The following RRM2 variants were observed in gnomAD, a reference collection of about 807,000 sequenced individuals.
The protein encoded by RRM2 is ribonucleoside-diphosphate reductase subunit M2.
Under a neutral mutation model 45.9 loss-of-function variants are expected in RRM2, and 6 were observed. The observed-to-expected ratio is 0.13, with a 90% CI of 0.07 to 0.26. RRM2 has a LOEUF of 0.26. Ranked by LOEUF, RRM2 falls within the 10% of genes least tolerant of loss-of-function variation. RRM2 has a pLI of 1.00. For missense variants in RRM2, 343 were observed against 489.5 expected, an observed-to-expected ratio of 0.70 and a Z score of 2.82; for synonymous variants, 177 against 173.0, an observed-to-expected ratio of 1.02 and a Z score of -0.18.
At chr2:10,174,482 A>T (rs894486923) in intron 3 of RRM2, among the ~76,000 whole-genome samples, 1 of 151,150 alleles carries the variant, frequency 6.6e-6, no homozygotes, top group African/African-American at 2.4e-5. Flanking sequence ...GCGAGCGCCT[A>T]TGGGGTGGAG....
chr2:10,139,561 G>C (rs918261990), upstream of RRM2, among the ~76,000 whole-genome samples: 1 of 152,290 alleles, frequency 6.6e-6, no homozygotes, highest in South Asian at 2.1e-4. Context: ...TGCTGGGGGC[G>C]GATGAGGGGA....
At chr2:10,184,634 G>A (rs553013538) in intron 3 of RRM2, among the ~76,000 whole-genome samples, 35 of 152,220 alleles carry the variant, frequency 2.3e-4, no homozygotes, top group Non-Finnish European at 3.2e-4. Flanking sequence ...GCTGCCTCCC[G>A]GCCCCTTGTT....
intron 3 of RRM2, among the ~76,000 whole-genome samples, chr2:10,165,122 T>C (rs1244756520): frequency 6.6e-6 from 1 of 152,158 alleles, no homozygotes; most frequent in Non-Finnish European, 1.5e-5. Flanking sequence ...TAGCTGATTT[T>C]TTATATTTTG....
At position 10,187,732 on chromosome 2, in the gene RRM2, A is replaced by G. The variant is rs546194998; in HGVS notation, n.483-22579A>G. ...CTGCAGATGGGCCGGGCTGAGCCAC[A>G]CCACAGCGGCTGGGCAGGTTCAGGC... On this transcript the variant is annotated intron_variant and non_coding_transcript_variant, in intron 3 of 3. Coordinates refer to the RRM2 transcript ENST00000381786. 5.9e-5 allele frequency among the ~76,000 whole-genome samples: 9 copies of G among 152,252 alleles called. 1 individual carries two copies. In the South Asian group the frequency reaches 1.9e-3, roughly 32 times the overall value.
chr2:10,157,959 T>C (rs548349923), intron 3 of RRM2, among the ~76,000 whole-genome samples: 1 of 152,118 alleles, frequency 6.6e-6, no homozygotes, highest in Non-Finnish European at 1.5e-5. Flanking sequence ...AATAAATGAG[T>C]TCATGAATAA....
In RRM2 at chr2:10,123,373, T is replaced by G. The variant is rs749187793; in HGVS notation, c.175-14T>G. On this transcript the variant is annotated splice_polypyrimidine_tract_variant and intron_variant, in intron 2 of 9. Coordinates refer to ENST00000304567, the MANE Select transcript of RRM2 (RefSeq NM_001034.4). ...TCGCCCGGTACTTAAATGTTTTATTTTCTCCCCCAACAGAAAACTAAAGCA... is the reference window on the plus strand; with the variant it reads ...TCGCCCGGTACTTAAATGTTTTATTGTCTCCCCCAACAGAAAACTAAAGCA... 1.3e-6 allele frequency: 2 copies of G among 1,598,600 alleles called. No homozygotes were observed. The highest frequency in any genetic ancestry group is 2.7e-5 in the African/African-American group (2 of 73,460).
intron 3 of RRM2, among the ~76,000 whole-genome samples, chr2:10,190,743 G>GTGA (rs1664284967): frequency 6.8e-6 from 1 of 148,018 alleles, no homozygotes; most frequent in Non-Finnish European, 1.5e-5. Flanking sequence ...GGTGATGGTG[G>GTGA]TGATGTTGGC....
rs72542795 is a variant in RRM2 at position 10,123,865 on chromosome 2, A to C, written c.435+13A>C. 1 of 1,383,162 alleles carries C rather than the reference A, an allele frequency of 7.2e-7. No individual in the cohort carries two copies. The highest frequency in any genetic ancestry group is 1.0e-6 in the Non-Finnish European group (1 of 970,628). 85.7% of individuals were successfully genotyped at this position (1,383,162 alleles called of 1,614,324 possible). On this transcript the variant is annotated intron_variant, in intron 4 of 9. Coordinates refer to ENST00000304567, the MANE Select transcript of RRM2 (RefSeq NM_001034.4). ...AAATGAAAACTTGGTGAGTTTCCAA[A>C]ACATCTTTCATTCATTTGACGTTGA...
chr2:10,175,689 C>T (rs1348674947), intron 3 of RRM2, among the ~76,000 whole-genome samples: 2 of 152,190 alleles, frequency 1.3e-5, no homozygotes, highest in Non-Finnish European at 2.9e-5. Flanking sequence ...CCTCCGCCTC[C>T]CCGGTTCAAG....
At position 10,122,907 on chromosome 2, in the gene RRM2, CGGGGAGGGCGCTGCGGGCA is replaced by C; in HGVS notation, c.99+19_99+37del. ...CGACAAGGAGAACACGGTGAGCCCG[CGGGGAGGGCGCTGCGGGCA>C]GGGGAGGGAGGCAGGGAAAGCGAAG... On this transcript the variant is annotated intron_variant, in intron 1 of 9. Transcript: ENST00000304567. 1 of 1,569,688 alleles carries C rather than the reference CGGGGAGGGCGCTGCGGGCA, an allele frequency of 6.4e-7. No individual in the cohort carries two copies. The highest frequency in any genetic ancestry group is 8.6e-7 in the Non-Finnish European group (1 of 1,160,282).
chr2:10,134,148 C>T (rs1430143742), downstream of RRM2, among the ~76,000 whole-genome samples: 5 of 120,530 alleles, frequency 4.1e-5, no homozygotes, highest in South Asian at 2.6e-4. Context: ...CCAGCCTGGG[C>T]GACAAGAGTG....
intron 3 of RRM2, among the ~76,000 whole-genome samples, chr2:10,178,881 T>C (rs1322096849): frequency 6.6e-6 from 1 of 152,146 alleles, no homozygotes; most frequent in East Asian, 1.9e-4. Flanking sequence ...CCACTGCCCC[T>C]TTAACCACGT....
In RRM2 at chr2:10,180,831, A is replaced by G. The variant is rs1448567605; in HGVS notation, n.483-29480A>G. On this transcript the variant is annotated intron_variant and non_coding_transcript_variant, in intron 3 of 3. Coordinates refer to the RRM2 transcript ENST00000381786. Reference sequence around the variant, plus strand: ...CGCTAGGCTGGAGTGCAGTGGCATGATTATGGCTCACTGCAACCTCTGCCT... The same window carrying G: ...CGCTAGGCTGGAGTGCAGTGGCATGGTTATGGCTCACTGCAACCTCTGCCT... 1.3e-5 allele frequency among the ~76,000 whole-genome samples: 2 copies of G among 152,118 alleles called. 1 individual carries two copies. The highest frequency in any genetic ancestry group is 1.3e-4 in the Admixed American group (2 of 15,276).
Position 10,205,628 on chromosome 2 carries a change from G to C in RRM2, n.483-4683G>C, listed in dbSNP as rs1423508025. 6.6e-6 allele frequency among the ~76,000 whole-genome samples: 1 copy of C among 152,172 alleles called. No individual in the cohort carries two copies. Among genetic ancestry groups the C allele is most frequent in the African/African-American group, 2.4e-5 (1 of 41,446 alleles). ...TTTGGATGTCTGAAAAAGATTTATGGCAGAGATGCTGGATGGAAAACAAAC... is the reference window on the plus strand; with the variant it reads ...TTTGGATGTCTGAAAAAGATTTATGCCAGAGATGCTGGATGGAAAACAAAC... On this transcript the variant is annotated intron_variant and non_coding_transcript_variant, in intron 3 of 3. Coordinates refer to the RRM2 transcript ENST00000381786. This position sits in a 1 kb window ranked among gnomAD's most constrained non-coding sequence, Gnocchi z 4.8.
downstream of RRM2, among the ~76,000 whole-genome samples, chr2:10,134,598 C>T (rs1330675080): frequency 6.6e-6 from 1 of 152,214 alleles, no homozygotes; most frequent in Non-Finnish European, 1.5e-5. Flanking sequence ...GGGGTTCACA[C>T]TTCTTAATTA....
intron 3 of RRM2, among the ~76,000 whole-genome samples, chr2:10,193,079 G>A (rs1016999357): frequency 6.6e-6 from 1 of 152,122 alleles, no homozygotes; most frequent in Non-Finnish European, 1.5e-5. Flanking sequence ...AGGCCCTTCC[G>A]CTGCAGAAGA....
At chr2:10,208,125 AAG>A (rs985931998) in intron 3 of RRM2, among the ~76,000 whole-genome samples, 29 of 152,354 alleles carry the variant, frequency 1.9e-4, no homozygotes, top group African/African-American at 6.7e-4. Flanking sequence ...GGGAAGAGAA[AAG>A]AGAGAAAAAC....
At position 10,185,810 on chromosome 2, in the gene RRM2, C is replaced by G. The variant is rs766343133; in HGVS notation, n.483-24501C>G. Among the ~76,000 whole-genome samples, 3 of 152,028 alleles carry G rather than the reference C, an allele frequency of 2.0e-5. No homozygotes were observed. The highest frequency in any genetic ancestry group is 2.9e-5 in the Non-Finnish European group (2 of 68,012). On this transcript the variant is annotated intron_variant and non_coding_transcript_variant, in intron 3 of 3. Transcript: ENST00000381786. This position sits in a 1 kb window ranked among gnomAD's most constrained non-coding sequence, Gnocchi z 4.3. Reference sequence around the variant, plus strand: ...CCAGTCTCCCCTAAACTCCAAATCTCTACTCTGACCCTCAGTCTCATCTTC... The same window carrying G: ...CCAGTCTCCCCTAAACTCCAAATCTGTACTCTGACCCTCAGTCTCATCTTC...
chr2:10,196,185 C>T lies in RRM2; in HGVS notation n.483-14126C>T, dbSNP rs535335938. 3.1e-4 allele frequency among the ~76,000 whole-genome samples: 47 copies of T among 152,326 alleles called. No individual in the cohort carries two copies. In the Middle Eastern group the frequency reaches 0.017, roughly 55 times the overall value. The stretch of plus-strand genomic sequence containing the variant: ...GCAGACCCCTGTCCTCATATGAGGC[C>T]TAAGCAGTGAGGAGCTTCAGACCCG... On this transcript the variant is annotated intron_variant and non_coding_transcript_variant, in intron 3 of 3. Transcript: ENST00000381786.
Sources: gnomAD v4.1 joint callset for allele counts (sites outside exome capture counted in the v4.1 genomes callset) on GRCh38, gnomAD v4.1.1 for gene constraint, Gnocchi (gnomAD v3.1) non-coding constraint, MANE v1.5 for transcripts, NCBI Gene and HGNC (gene_info 2026-07-23, HGNC 2026-07-21) for gene names.